ZNF385D: variants seen among roughly 807,000 people sequenced by gnomAD.
ZNF385D encodes the protein zinc finger protein 385D, also known as zinc finger protein 659.
A neutral mutation model predicts 35.8 loss-of-function variants in ZNF385D; 15 were observed. The observed-to-expected ratio is 0.42, with a 90% CI of 0.28 to 0.64. The LOEUF (loss-of-function observed/expected upper bound fraction) is 0.64. Ranked by LOEUF, ZNF385D falls within the 30% of genes least tolerant of loss-of-function variation. ZNF385D has a pLI of 0.23. For synonymous variants in ZNF385D, 212 were observed against 186.8 expected (o/e 1.13, Z -1.10); for missense variants, 474 against 494.6 (o/e 0.96, Z 0.39).
chr3:21,651,613 A>G (rs1420647786), intron 2 of ZNF385D, among the ~76,000 whole-genome samples: 2 of 151,348 alleles, frequency 1.3e-5, no homozygotes, highest in African/African-American at 4.9e-5. Context: ...AATGCCATTT[A>G]TATAGCAAGT....
chr3:21,852,489 T>C (rs1041701169), intron 3 of ZNF385D, among the ~76,000 whole-genome samples: 1 of 151,920 alleles, frequency 6.6e-6, no homozygotes, highest in African/African-American at 2.4e-5. Context: ...ACTTTTACTT[T>C]TGAGGCATCA....
chr3:22,007,118 A>C (rs1041620031), intron 3 of ZNF385D, among the ~76,000 whole-genome samples: 4 of 152,166 alleles, frequency 2.6e-5, no homozygotes, highest in African/African-American at 7.2e-5. Flanking sequence ...TACACCAAAA[A>C]GTATTCTCAG....
At chr3:21,484,595 G>C (rs2125388243) in intron 4 of ZNF385D, among the ~76,000 whole-genome samples, 1 of 152,278 alleles carries the variant, frequency 6.6e-6, no homozygotes, top group Middle Eastern at 3.4e-3. Flanking sequence ...GAATGGTCAA[G>C]AGTGTCCTGC....
intron 1 of ZNF385D, among the ~76,000 whole-genome samples, chr3:21,743,669 A>T (rs11129020): frequency 1.3e-5 from 2 of 152,186 alleles, no homozygotes. Flanking sequence ...GGTTCCACCC[A>T]AATGGCTTCA....
At chr3:21,806,084 A>G (rs2072628497) in intron 3 of ZNF385D, among the ~76,000 whole-genome samples, 1 of 152,146 alleles carries the variant, frequency 6.6e-6, no homozygotes, top group South Asian at 2.1e-4. Flanking sequence ...CTAAACAGCA[A>G]AGCAGGCTTA....
chr3:22,025,547 T>C (rs1278136621), intron 3 of ZNF385D, among the ~76,000 whole-genome samples: 2 of 152,266 alleles, frequency 1.3e-5, no homozygotes, highest in East Asian at 1.9e-4. Context: ...AATTTATCGA[T>C]TTGGGCCCTG....
chr3:22,184,582 T>C (rs1267797857), intron 2 of ZNF385D, among the ~76,000 whole-genome samples: 1 of 151,986 alleles, frequency 6.6e-6, no homozygotes, highest in Non-Finnish European at 1.5e-5. Flanking sequence ...TCCCAGCACT[T>C]TGGGAGGCCG....
intron 3 of ZNF385D, among the ~76,000 whole-genome samples, chr3:21,816,229 A>T (rs974153579): frequency 6.6e-6 from 1 of 152,220 alleles, no homozygotes; most frequent in Non-Finnish European, 1.5e-5. Context: ...TATCATACCG[A>T]ATGAGCAAAA....
chr3:21,996,133 G>C (rs1695450207), intron 3 of ZNF385D, among the ~76,000 whole-genome samples: 1 of 152,084 alleles, frequency 6.6e-6, no homozygotes, highest in African/African-American at 2.4e-5. Context: ...TAGCTGCTTG[G>C]GACTCAGCGT....
chr3:22,017,504 GAA>G (rs1696965608), intron 3 of ZNF385D, among the ~76,000 whole-genome samples: 1 of 151,746 alleles, frequency 6.6e-6, no homozygotes, highest in African/African-American at 2.4e-5. Context: ...ATTATAACTA[GAA>G]AATTAGCTTT....
intron 3 of ZNF385D, among the ~76,000 whole-genome samples, chr3:22,048,861 T>A (rs1699172435): frequency 6.6e-6 from 1 of 152,210 alleles, no homozygotes; most frequent in African/African-American, 2.4e-5. Context: ...AATTATTAAT[T>A]CTTTCAATTC....
At chr3:21,843,761 A>G (rs1425200634) in intron 3 of ZNF385D, among the ~76,000 whole-genome samples, 1 of 151,968 alleles carries the variant, frequency 6.6e-6, no homozygotes, top group Non-Finnish European at 1.5e-5. Context: ...ATTCTTAATG[A>G]AAGAGTTATT....
At chr3:21,635,877 A>G (rs2065416176) in intron 2 of ZNF385D, among the ~76,000 whole-genome samples, 1 of 152,112 alleles carries the variant, frequency 6.6e-6, no homozygotes, top group Admixed American at 6.6e-5. Context: ...CATTGCTGCA[A>G]ATGTCATTAA....
At chr3:21,561,987 A>G (rs1272804692) in intron 3 of ZNF385D, 1 of 152,082 alleles carries the variant, frequency 6.6e-6, no homozygotes, top group Non-Finnish European at 1.5e-5. Flanking sequence ...TAATACAATA[A>G]TCATCTGGTA....
intron 1 of ZNF385D, among the ~76,000 whole-genome samples, chr3:21,670,601 A>C (rs886743982): frequency 1.4e-5 from 2 of 147,962 alleles, no homozygotes; most frequent in African/African-American, 5.0e-5. Flanking sequence ...AAGAAGTCGA[A>C]AATAAATAAC....
At chr3:21,784,422 T>C (rs150138253) in intron 3 of ZNF385D, among the ~76,000 whole-genome samples, 1 of 152,110 alleles carries the variant, frequency 6.6e-6, no homozygotes, top group African/African-American at 2.4e-5. Context: ...GTGCTTTAAG[T>C]GTGTTAATAT....
chr3:21,451,549 G>A (rs1702461057), intron 4 of ZNF385D, among the ~76,000 whole-genome samples: 1 of 152,012 alleles, frequency 6.6e-6, no homozygotes, highest in Admixed American at 6.6e-5. Flanking sequence ...TAGTTTTAGA[G>A]ATCCTTATTC....
At chr3:21,681,908 T>C (rs116392692) in intron 1 of ZNF385D, among the ~76,000 whole-genome samples, 363 of 152,104 alleles carry the variant, frequency 2.4e-3, no homozygotes, top group Non-Finnish European at 4.0e-3. Context: ...AAATGTAAAA[T>C]GAAAGTTGGA....
chr3:22,204,754 A>G (rs1697032194), intron 2 of ZNF385D, among the ~76,000 whole-genome samples: 1 of 149,274 alleles, frequency 6.7e-6, no homozygotes, highest in Non-Finnish European at 1.5e-5. Flanking sequence ...TCTTACCAGA[A>G]TTGATCATAC....
Sources: gnomAD v4.1 joint callset for allele counts (sites outside exome capture counted in the v4.1 genomes callset) on GRCh38, gnomAD v4.1.1 for gene constraint, MANE v1.5 for transcripts, NCBI Gene and HGNC (gene_info 2026-07-23, HGNC 2026-07-21) for gene names.